Variants in CTNNA3 observed in about 807,000 individuals in gnomAD.
CTNNA3 encodes the protein catenin alpha 3.
A neutral mutation model predicts 95.7 loss-of-function variants in CTNNA3; 76 were observed. The observed-to-expected ratio is 0.79, with a 90% CI of 0.66 to 0.96. The LOEUF (loss-of-function observed/expected upper bound fraction) is 0.96. CTNNA3 is among the 40% of genes least tolerant of loss of function. CTNNA3 has a pLI of 0.00. For synonymous variants in CTNNA3, 431 were observed against 374.4 expected (o/e 1.15, Z -1.74); for missense variants, 1,191 against 1,089.8 (o/e 1.09, Z -1.31).
chr10:66,662,059 T>C (rs1261950569), intron 9 of CTNNA3, among the ~76,000 whole-genome samples: 1 of 152,162 alleles, frequency 6.6e-6, no homozygotes, highest in East Asian at 1.9e-4. Flanking sequence ...ACATTTGCAG[T>C]TGTTAAATCC....
chr10:67,003,887 G>A (rs182962961), intron 7 of CTNNA3, among the ~76,000 whole-genome samples: 87 of 152,224 alleles, frequency 5.7e-4, no homozygotes, highest in Admixed American at 1.4e-3. Context: ...AGCATAAAAC[G>A]GAAGAGAATA....
At chr10:66,384,372 G>C (rs914382691) in intron 11 of CTNNA3, among the ~76,000 whole-genome samples, 2 of 152,054 alleles carry the variant, frequency 1.3e-5, no homozygotes, top group African/African-American at 4.8e-5. Context: ...AATGGTAAAG[G>C]GATCAATTCA....
chr10:66,777,799 G>GCACACACACA (rs111611061), intron 7 of CTNNA3, among the ~76,000 whole-genome samples: 2 of 138,072 alleles, frequency 1.4e-5, no homozygotes, highest in Non-Finnish European at 3.1e-5. Flanking sequence ...ACACACACAT[G>GCACACACACA]CACACACACA....
chr10:67,709,199 A>G (rs1472912045), intron 1 of CTNNA3, among the ~76,000 whole-genome samples: 1 of 152,164 alleles, frequency 6.6e-6, no homozygotes, highest in Non-Finnish European at 1.5e-5. Flanking sequence ...ATAATAGTGC[A>G]CAACTCTTGA....
At chr10:66,279,924 G>T (rs1049471955) in intron 13 of CTNNA3, among the ~76,000 whole-genome samples, 11 of 151,938 alleles carry the variant, frequency 7.2e-5, no homozygotes, top group African/African-American at 2.7e-4. Flanking sequence ...GTGCTCTCAC[G>T]CCTGGGAAGG....
At chr10:66,750,560 A>G (rs1240907604) in intron 9 of CTNNA3, among the ~76,000 whole-genome samples, 1 of 152,144 alleles carries the variant, frequency 6.6e-6, no homozygotes, top group Non-Finnish European at 1.5e-5. Context: ...TCTATTCTAT[A>G]CTATTTATCT....
intron 7 of CTNNA3, among the ~76,000 whole-genome samples, chr10:67,092,250 G>T (rs1857687624): frequency 6.6e-6 from 1 of 151,794 alleles, no homozygotes; most frequent in African/African-American, 2.4e-5. Context: ...TTACAAAAAT[G>T]GGAAGATTTC....
chr10:67,750,388 C>A (rs1182111370), intron 1 of CTNNA3: 2 of 1,492,340 alleles, frequency 1.3e-6, no homozygotes, highest in African/African-American at 2.8e-5. Context: ...TGAAGGTGGC[C>A]ATTGATGCAG....
At chr10:66,358,694 TTGCAATCAAA>T (rs2092630270) in intron 12 of CTNNA3, among the ~76,000 whole-genome samples, 2 of 152,206 alleles carry the variant, frequency 1.3e-5, no homozygotes, top group Non-Finnish European at 2.9e-5. Flanking sequence ...TAAAGTATCT[TTGCAATCAAA>T]AGAAGATTAA....
intron 10 of CTNNA3, among the ~76,000 whole-genome samples, chr10:66,591,060 T>A (rs1241099524): frequency 1.3e-5 from 2 of 152,182 alleles, no homozygotes; most frequent in African/African-American, 2.4e-5. Context: ...TTGTCCCATT[T>A]TGCTGACACT....
chr10:67,762,366 CT>C (rs1011478661), intron 1 of CTNNA3, among the ~76,000 whole-genome samples: 2 of 149,188 alleles, frequency 1.3e-5, no homozygotes, highest in African/African-American at 5.0e-5. Context: ...CATTGTCTTG[CT>C]TTCCCCTCCC....
chr10:66,994,835 C>T (rs1851241583), intron 7 of CTNNA3, among the ~76,000 whole-genome samples: 1 of 152,126 alleles, frequency 6.6e-6, no homozygotes, highest in African/African-American at 2.4e-5. Context: ...AATTTCTATA[C>T]ATTGTACAAG....
intron 14 of CTNNA3, among the ~76,000 whole-genome samples, chr10:66,092,951 T>C (rs1415439086): frequency 3.3e-5 from 5 of 151,954 alleles, no homozygotes; most frequent in Non-Finnish European, 5.9e-5. Context: ...TTAAAAATTA[T>C]ATACTAAGCA....
chr10:66,219,843 G>C (rs1401951073), intron 13 of CTNNA3, among the ~76,000 whole-genome samples: 1 of 152,132 alleles, frequency 6.6e-6, no homozygotes, highest in East Asian at 1.9e-4. Context: ...AAGAATAAAG[G>C]CTGGGTGCAG....
At chr10:66,941,177 T>G (rs1436702951) in intron 7 of CTNNA3, among the ~76,000 whole-genome samples, 1 of 152,174 alleles carries the variant, frequency 6.6e-6, no homozygotes, top group Non-Finnish European at 1.5e-5. Flanking sequence ...TTAATTAAAA[T>G]GCACAGTTAC....
At chr10:67,203,892 T>C (rs1447494280) in intron 6 of CTNNA3, among the ~76,000 whole-genome samples, 1 of 152,192 alleles carries the variant, frequency 6.6e-6, no homozygotes, top group Non-Finnish European at 1.5e-5. Flanking sequence ...TTAATGAGCT[T>C]GGGCTGGAAA....
chr10:67,601,786 ATTAC>A (rs1843091343), intron 3 of CTNNA3, among the ~76,000 whole-genome samples: 1 of 152,162 alleles, frequency 6.6e-6, no homozygotes, highest in South Asian at 2.1e-4. Flanking sequence ...AACTATAAGT[ATTAC>A]TTACAATGTG....
At chr10:66,666,180 C>T (rs1377700552) in intron 9 of CTNNA3, among the ~76,000 whole-genome samples, 2 of 152,130 alleles carry the variant, frequency 1.3e-5, no homozygotes, top group Non-Finnish European at 2.9e-5. Flanking sequence ...ATGTATTTTC[C>T]TAAGCCAGAC....
chr10:67,735,979 G>C (rs1340807350), intron 1 of CTNNA3, among the ~76,000 whole-genome samples: 1 of 152,124 alleles, frequency 6.6e-6, no homozygotes, highest in Non-Finnish European at 1.5e-5. Context: ...GAAATTAGGT[G>C]ATACTTGCAC....
Sources: gnomAD v4.1 joint callset for allele counts (sites outside exome capture counted in the v4.1 genomes callset) on GRCh38, gnomAD v4.1.1 for gene constraint, MANE v1.5 for transcripts, NCBI Gene and HGNC (gene_info 2026-07-23, HGNC 2026-07-21) for gene names.